CADPS: variants seen among roughly 807,000 people sequenced by gnomAD.
CADPS encodes the protein calcium dependent secretion activator, also known as calcium-dependent secretion activator 1.
In CADPS, 57 loss-of-function variants were observed where a neutral mutation model predicts 167.3. That is an observed-to-expected ratio of 0.34 (90% CI 0.28 to 0.42). The LOEUF (loss-of-function observed/expected upper bound fraction) is 0.42, where lower values mean the gene tolerates loss of function less well. CADPS is among the 20% of genes least tolerant of loss of function. The pLI, the probability that CADPS is intolerant of heterozygous loss-of-function variation, is 1.00. For synonymous variants in CADPS, 676 were observed against 635.3 expected (o/e 1.06, Z -0.96); for missense variants, 1,414 against 1,738.1 (o/e 0.81, Z 3.32).
intron 28 of CADPS, among the ~76,000 whole-genome samples, chr3:62,424,210 G>A (rs1005126164): frequency 6.6e-6 from 1 of 152,034 alleles, no homozygotes; most frequent in East Asian, 1.9e-4. Flanking sequence ...TTGAGACGGA[G>A]TCTCACTCTG....
intron 4 of CADPS, among the ~76,000 whole-genome samples, chr3:62,654,614 G>T (rs967938547): frequency 1.3e-5 from 2 of 152,146 alleles, no homozygotes; most frequent in African/African-American, 2.4e-5. Flanking sequence ...AGTGAGGTAG[G>T]TTAACTCATG....
intron 1 of CADPS, among the ~76,000 whole-genome samples, chr3:62,820,346 C>T (rs923056432): frequency 1.3e-5 from 2 of 152,136 alleles, no homozygotes; most frequent in Admixed American, 6.5e-5. Flanking sequence ...GAGAAACAGA[C>T]ATTCACAACA....
chr3:62,756,947 T>C (rs1221701365), intron 2 of CADPS, among the ~76,000 whole-genome samples: 1 of 152,014 alleles, frequency 6.6e-6, no homozygotes, highest in South Asian at 2.1e-4. Flanking sequence ...TTGGTCTTCA[T>C]TTTAAGGGCA....
rs2049223576 is a variant in CADPS at position 62,412,819 on chromosome 3, A to G, written c.3778-9634T>C. ...TTTAATCCAAAGCTTAGCTTATATGAACTATCTAGGGGTCTCTCTCTGGAA... is the reference window on the plus strand; with the variant it reads ...TTTAATCCAAAGCTTAGCTTATATGGACTATCTAGGGGTCTCTCTCTGGAA... On this transcript the variant is annotated intron_variant, in intron 28 of 29. Transcript: ENST00000383710. The surrounding 1 kb of genome is among the most constrained non-coding windows in gnomAD (Gnocchi z 4.1). 6.6e-6 allele frequency among the ~76,000 whole-genome samples: 1 copy of G among 152,164 alleles called. No individual in the cohort carries two copies. Among genetic ancestry groups the G allele is most frequent in the African/African-American group, 2.4e-5 (1 of 41,440 alleles).
chr3:62,563,103 G>A (rs1404181904), intron 9 of CADPS, among the ~76,000 whole-genome samples: 3 of 152,130 alleles, frequency 2.0e-5, no homozygotes, highest in Non-Finnish European at 2.9e-5. Context: ...CTAATTACTA[G>A]TTTAATTAGT....
Position 62,672,797 on chromosome 3 carries a change from T to C in CADPS, c.889-10403A>G, listed in dbSNP as rs148514241. On this transcript the variant is annotated intron_variant, in intron 3 of 29. Transcript: ENST00000383710. Reference sequence around the variant, plus strand: ...ATCATGCCCAGCTGATTTTTGTATTTTTCGTAGAGACGGGGTCATGCTACG... The same window carrying C: ...ATCATGCCCAGCTGATTTTTGTATTCTTCGTAGAGACGGGGTCATGCTACG... 3.3e-5 allele frequency among the ~76,000 whole-genome samples: 5 copies of C among 152,250 alleles called. No individual in the cohort carries two copies. In the East Asian group the frequency reaches 9.7e-4, roughly 29 times the overall value.
At chr3:62,460,702 C>T (rs192001207) in intron 26 of CADPS, among the ~76,000 whole-genome samples, 5 of 152,200 alleles carry the variant, frequency 3.3e-5, no homozygotes, top group African/African-American at 7.2e-5. Context: ...TTTACACAAA[C>T]GTCTCGCAAA....
intron 8 of CADPS, among the ~76,000 whole-genome samples, chr3:62,572,136 G>A (rs777622940): frequency 2.0e-5 from 3 of 152,134 alleles, no homozygotes; most frequent in African/African-American, 7.2e-5. Flanking sequence ...ACATAATGAA[G>A]AATGCACCTA....
intron 28 of CADPS, among the ~76,000 whole-genome samples, chr3:62,419,326 T>C (rs866193123): frequency 5.9e-5 from 9 of 152,280 alleles, no homozygotes; most frequent in South Asian, 4.1e-4. Flanking sequence ...CTAGGGCCTA[T>C]TTTTCTCTGG....
chr3:62,780,873 T>C (rs2152649358), intron 1 of CADPS, among the ~76,000 whole-genome samples: 1 of 152,328 alleles, frequency 6.6e-6, no homozygotes, highest in East Asian at 1.9e-4. Flanking sequence ...TTTATATGAG[T>C]CATGTTTTTA....
chr3:62,680,663 G>T (rs747889002), intron 3 of CADPS, among the ~76,000 whole-genome samples: 1 of 151,876 alleles, frequency 6.6e-6, no homozygotes, highest in South Asian at 2.1e-4. Flanking sequence ...TTCCGCTGCC[G>T]CAGATTGATC....
intron 1 of CADPS, among the ~76,000 whole-genome samples, chr3:62,853,143 G>A (rs984930123): frequency 2.0e-5 from 3 of 152,154 alleles, no homozygotes; most frequent in African/African-American, 7.2e-5. Context: ...GGACAAACAG[G>A]AAATGTCACT....
chr3:62,873,254 C>T (rs1476705784), intron 1 of CADPS, among the ~76,000 whole-genome samples: 3 of 152,228 alleles, frequency 2.0e-5, no homozygotes, highest in African/African-American at 7.2e-5. Context: ...ACAGAGAAAT[C>T]TGTGCTAACT....
At chr3:62,765,762 G>T (rs1243053631) in intron 2 of CADPS, 109 bp downstream of exon 2, 2 of 607,896 alleles carry the variant, frequency 3.3e-6, no homozygotes, top group Non-Finnish European at 5.9e-6. Context: ...GCCTTAGGAA[G>T]GATGATACTG....
chr3:62,494,066 C>T (rs2064204791), intron 18 of CADPS, among the ~76,000 whole-genome samples: 1 of 152,188 alleles, frequency 6.6e-6, no homozygotes, highest in Admixed American at 6.5e-5. Flanking sequence ...TTGGATTCCT[C>T]TAACTTGTAA....
chr3:62,567,813 G>A (rs1005905584), intron 9 of CADPS, among the ~76,000 whole-genome samples: 1 of 151,980 alleles, frequency 6.6e-6, no homozygotes, highest in African/African-American at 2.4e-5. Flanking sequence ...GAACCCATGT[G>A]ATCCGCCCTC....
At chr3:62,773,076 G>C (rs1217878930) in intron 1 of CADPS, among the ~76,000 whole-genome samples, 1 of 99,054 alleles carries the variant, frequency 1.0e-5, no homozygotes, top group Non-Finnish European at 2.5e-5. Flanking sequence ...AACTCAACAA[G>C]TGTTTAAAAA....
chr3:62,649,528 C>G (rs2150156514), intron 5 of CADPS, among the ~76,000 whole-genome samples: 1 of 126,626 alleles, frequency 7.9e-6, no homozygotes, highest in African/African-American at 3.0e-5. Context: ...TCAAGGGAAT[C>G]ATACAATATG....
chr3:62,537,671 C>A (rs1487876751), intron 11 of CADPS, among the ~76,000 whole-genome samples: 7 of 151,916 alleles, frequency 4.6e-5, no homozygotes, highest in African/African-American at 1.7e-4. Flanking sequence ...CGGGAAAAAT[C>A]GATTTCTGAC....
Sources: gnomAD v4.1 joint callset for allele counts (sites outside exome capture counted in the v4.1 genomes callset) on GRCh38, gnomAD v4.1.1 for gene constraint, Gnocchi (gnomAD v3.1) non-coding constraint, MANE v1.5 for transcripts, NCBI Gene and HGNC (gene_info 2026-07-23, HGNC 2026-07-21) for gene names.